EDIL3: variants seen among roughly 807,000 people sequenced by gnomAD.
EDIL3 encodes the protein EGF-like repeat and discoidin I-like domain-containing protein 3.
Under a neutral mutation model 67.4 loss-of-function variants are expected in EDIL3, and 37 were observed. That is an observed-to-expected ratio of 0.55 (90% CI 0.42 to 0.72). EDIL3 has a LOEUF of 0.72. Among genes scored for constraint, EDIL3 ranks in the 30% least tolerant of loss-of-function variants. The probability of loss-of-function intolerance (pLI) is 0.00; values close to 1 mark genes in which losing one functional copy is unlikely to be tolerated. For synonymous variants in EDIL3, 195 were observed against 196.3 expected, an observed-to-expected ratio of 0.99 and a Z score of 0.05; for missense variants, 527 against 586.3, an observed-to-expected ratio of 0.90 and a Z score of 1.04.
chr5:84,220,793 A>T (rs1218544841), intron 3 of EDIL3, among the ~76,000 whole-genome samples: 1 of 152,216 alleles, frequency 6.6e-6, no homozygotes, highest in Non-Finnish European at 1.5e-5. Context: ...AAGTCTGTCC[A>T]GCCAGAGTGA....
chr5:83,999,507 T>C (rs1458068123), intron 9 of EDIL3, among the ~76,000 whole-genome samples: 1 of 152,088 alleles, frequency 6.6e-6, no homozygotes, highest in East Asian at 1.9e-4. Flanking sequence ...TTCAATGGAA[T>C]GCATCAGAGT....
chr5:84,335,823 T>A (rs952269377), intron 1 of EDIL3, among the ~76,000 whole-genome samples: 6 of 152,084 alleles, frequency 3.9e-5, no homozygotes, highest in Non-Finnish European at 5.9e-5. Flanking sequence ...AGAACAGAAA[T>A]TTTTTTGTCA....
chr5:84,130,910 C>A (rs1224920465), intron 5 of EDIL3, among the ~76,000 whole-genome samples: 1 of 152,042 alleles, frequency 6.6e-6, no homozygotes, highest in African/African-American at 2.4e-5. Context: ...TTTATTTAAA[C>A]TTATATTAAT....
chr5:84,183,843 C>T (rs989708652), intron 3 of EDIL3, among the ~76,000 whole-genome samples: 2 of 152,114 alleles, frequency 1.3e-5, no homozygotes, highest in Admixed American at 6.6e-5. Flanking sequence ...CGGTGGCTCA[C>T]GCCTGTAATC....
intron 9 of EDIL3, among the ~76,000 whole-genome samples, chr5:84,006,372 AC>A: frequency 6.6e-6 from 1 of 151,950 alleles, no homozygotes; most frequent in Admixed American, 6.6e-5. Flanking sequence ...ACAAAACAAA[AC>A]AAAACAAAAC....
At chr5:84,179,356 T>A (rs80024235) in intron 4 of EDIL3, among the ~76,000 whole-genome samples, 1 of 152,306 alleles carries the variant, frequency 6.6e-6, no homozygotes, top group East Asian at 1.9e-4. Context: ...TCTGAGCTTT[T>A]AGGGACAATT....
At chr5:84,331,747 C>T (rs1746875913) in intron 1 of EDIL3, among the ~76,000 whole-genome samples, 1 of 152,146 alleles carries the variant, frequency 6.6e-6, no homozygotes, top group East Asian at 1.9e-4. Context: ...TCTCTGTATA[C>T]TATTTTTAAA....
rs529636607 is a variant in EDIL3, at chr5:84,352,463, A to T, written c.67+31845T>A. ...ACACACACACCATGGGATTCTATGC[A>T]GCCATAAAAAATGAAATAATGTCTT... On this transcript the variant is annotated intron_variant, in intron 1 of 10. Transcript: ENST00000296591. Among the ~76,000 whole-genome samples the T allele has an allele frequency of 3.7e-4, 57 of 152,172 alleles. 1 individual carries two copies. The highest frequency in any genetic ancestry group is 4.6e-4 in the Admixed American group (7 of 15,264).
At position 84,050,145 on chromosome 5, in the gene EDIL3, T is replaced by C. The variant is rs376921220; in HGVS notation, c.1137+10155A>G. ...CCCGGGAGGCGGAGCTTGCAGTGAG[T>C]CGAGATGGCGCCACTGCACTCCAGC... On this transcript the variant is annotated intron_variant, in intron 9 of 10. Coordinates refer to ENST00000296591, the MANE Select transcript of EDIL3 (RefSeq NM_005711.5). 5.5e-4 allele frequency among the ~76,000 whole-genome samples: 72 copies of C among 130,178 alleles called. No individual in the cohort carries two copies. The East Asian group carries it at 0.014, about 25-fold the overall frequency. The allele number at this position is 130,178 out of a possible 152,430, so 85.4% of individuals were successfully genotyped here. A position where few individuals can be genotyped will look rare whatever the true frequency, so the allele number is the denominator to read the frequency against.
At chr5:84,060,520 A>G (rs1487674409) in intron 8 of EDIL3, 36 bp from the exon 9 acceptor site, 2 of 1,608,504 alleles carry the variant, frequency 1.2e-6, no homozygotes, top group Non-Finnish European at 8.5e-7. Flanking sequence ...TGAGAAAAAT[A>G]ATTGATCACC....
chr5:84,253,792 T>C (rs1170840262), intron 2 of EDIL3, among the ~76,000 whole-genome samples: 2 of 151,766 alleles, frequency 1.3e-5, no homozygotes, highest in Non-Finnish European at 2.9e-5. Context: ...GAGAATAAAA[T>C]GTTAAATTTA....
At chr5:83,978,922 T>C (rs1249096362) in intron 9 of EDIL3, among the ~76,000 whole-genome samples, 1 of 152,048 alleles carries the variant, frequency 6.6e-6, no homozygotes, top group Non-Finnish European at 1.5e-5. Context: ...AAAGTAATTT[T>C]TAAGCAAAAC....
intron 9 of EDIL3, among the ~76,000 whole-genome samples, chr5:84,000,139 T>A (rs953423460): frequency 3.9e-5 from 6 of 151,902 alleles, no homozygotes; most frequent in Admixed American, 2.6e-4. Context: ...TCTCCTGCAA[T>A]AAATGTTAAA....
intron 9 of EDIL3, among the ~76,000 whole-genome samples, chr5:83,963,933 C>A: frequency 6.6e-6 from 1 of 151,270 alleles, no homozygotes; most frequent in Non-Finnish European, 1.5e-5. Flanking sequence ...CAGTGAAAAC[C>A]CCCTTTTAGA....
intron 1 of EDIL3, among the ~76,000 whole-genome samples, chr5:84,348,472 T>G (rs1284040493): frequency 6.6e-6 from 1 of 151,934 alleles, no homozygotes; most frequent in Non-Finnish European, 1.5e-5. Context: ...AAATAATTAT[T>G]AAAAAATCTA....
chr5:84,382,386 G>A (rs1748096855), intron 1 of EDIL3, among the ~76,000 whole-genome samples: 1 of 152,174 alleles, frequency 6.6e-6, no homozygotes, highest in South Asian at 2.1e-4. Context: ...GCGCCCCGGG[G>A]CTCCCTCAAT....
At chr5:84,384,258 G>A (rs1184653920) in intron 1 of EDIL3, 50 bp downstream of exon 1, 2 of 1,584,224 alleles carry the variant, frequency 1.3e-6, no homozygotes, top group African/African-American at 1.4e-5. Flanking sequence ...CGTTTCTCAG[G>A]GGACTCCCAG....
intron 1 of EDIL3, among the ~76,000 whole-genome samples, chr5:84,316,072 T>C (rs1376531681): frequency 6.6e-6 from 1 of 152,162 alleles, no homozygotes; most frequent in Non-Finnish European, 1.5e-5. Context: ...AGAGATGTTG[T>C]CACCACCAGG....
intron 5 of EDIL3, among the ~76,000 whole-genome samples, chr5:84,109,797 G>GAAGC (rs1747527815): frequency 6.6e-6 from 1 of 152,184 alleles, no homozygotes; most frequent in African/African-American, 2.4e-5. Context: ...GCATGACTGT[G>GAAGC]ATGGGGATTC....
Sources: gnomAD v4.1 joint callset for allele counts (sites outside exome capture counted in the v4.1 genomes callset) on GRCh38, gnomAD v4.1.1 for gene constraint, MANE v1.5 for transcripts, NCBI Gene and HGNC (gene_info 2026-07-23, HGNC 2026-07-21) for gene names.